Variants in ZNF723 observed in about 807,000 individuals in gnomAD.
ZNF723 encodes the protein zinc finger protein 723, also known as zinc finger protein 723, pseudogene.
ZNF723 carries 5 observed loss-of-function variants against 9.4 expected under a neutral mutation model. The observed-to-expected ratio is 0.53, with a 90% CI of 0.28 to 1.12. The LOEUF (loss-of-function observed/expected upper bound fraction) is 1.12. Ranked by LOEUF, ZNF723 falls within the 50% of genes most tolerant of loss-of-function variation. The probability of loss-of-function intolerance (pLI) is 0.10; values close to 1 mark genes in which losing one functional copy is unlikely to be tolerated. For missense variants in ZNF723, 450 were observed against 501.5 expected, an observed-to-expected ratio of 0.90 and a Z score of 0.98; for synonymous variants, 158 against 168.8, an observed-to-expected ratio of 0.94 and a Z score of 0.49.
intron 1 of ZNF723, among the ~76,000 whole-genome samples, chr19:22,833,885 C>T (rs1169634520): frequency 6.7e-6 from 1 of 149,714 alleles, no homozygotes; most frequent in Non-Finnish European, 1.5e-5. Context: ...GGATTACAGG[C>T]GTGAGACACC....
intron 1 of ZNF723, among the ~76,000 whole-genome samples, chr19:22,847,623 A>G (rs1006925173): frequency 6.6e-6 from 1 of 152,138 alleles, no homozygotes; most frequent in Non-Finnish European, 1.5e-5. Context: ...TTCCATCTCA[A>G]AAATACACAG....
chr19:22,812,948 TG>T, the ZNF723 span, among the ~76,000 whole-genome samples: 1 of 136,842 alleles, frequency 7.3e-6, no homozygotes, highest in Non-Finnish European at 1.6e-5. Flanking sequence ...ATATAGAAGG[TG>T]TTTTTTTTGT....
chr19:22,817,247 A>G, the ZNF723 span, among the ~76,000 whole-genome samples: 1 of 152,158 alleles, frequency 6.6e-6, no homozygotes, highest in South Asian at 2.1e-4. Flanking sequence ...ATTGTGAAAT[A>G]TCACTGGACC....
Position 22,848,296 on chromosome 19 carries a change from T to G in ZNF723, c.39T>G (p.Phe13Leu). 1 of 1,294,860 alleles carries G rather than the reference T, an allele frequency of 7.7e-7. No homozygotes were observed. The highest frequency in any genetic ancestry group is 1.1e-6 in the Non-Finnish European group (1 of 906,742). The allele number at this position is 1,294,860 out of a possible 1,614,324, so 80.2% of individuals were successfully genotyped here. A position where few individuals can be genotyped will look rare whatever the true frequency, so the allele number is the denominator to read the frequency against. ...PLTFTDVAIK[F>L]SLEEWQFLDT... is the part of the protein sequence containing the mutation. ...CATTCACAGATGTGGCAATAAAATT[T>G]TCTCTGGAGGAGTGGCAATTCCTGG... Residue 13 changes from phenylalanine to leucine, a missense_variant, in exon 2 of 4, where the codon TTT becomes TTG. Phe to Leu is a conservative substitution (Grantham distance 22). Transcript: ENST00000600766.
chr19:22,815,315 T>A, the ZNF723 span, among the ~76,000 whole-genome samples: 1 of 152,106 alleles, frequency 6.6e-6, no homozygotes, highest in Non-Finnish European at 1.5e-5. Flanking sequence ...TTTGCCTGCA[T>A]CCTGTCCACA....
chr19:22,817,510 G>T, the ZNF723 span, among the ~76,000 whole-genome samples: 5 of 151,816 alleles, frequency 3.3e-5, no homozygotes, highest in African/African-American at 7.2e-5. Flanking sequence ...TGTCCTGCTT[G>T]GACCTTGCCC....
chr19:22,847,291 A>G (rs911211262), intron 1 of ZNF723, among the ~76,000 whole-genome samples: 7 of 150,578 alleles, frequency 4.6e-5, no homozygotes, highest in Admixed American at 3.3e-4. Context: ...TATGCAGCTG[A>G]TGTGTGTAAA....
chr19:22,851,153 C>CTATTTATTTATT (rs145875284), intron 3 of ZNF723, among the ~76,000 whole-genome samples: 156 of 151,028 alleles, frequency 1.0e-3, no homozygotes, highest in Admixed American at 2.1e-3. Context: ...TAACAGAGAG[C>CTATTTATTTATT]TATTTATTTA....
At chr19:22,817,822 C>T in the ZNF723 span, among the ~76,000 whole-genome samples, 1 of 151,970 alleles carries the variant, frequency 6.6e-6, no homozygotes, top group East Asian at 1.9e-4. Flanking sequence ...AGGTGAGTAC[C>T]ACTGTCTCAC....
At chr19:22,827,986 A>G (rs1967055976), upstream of ZNF723, among the ~76,000 whole-genome samples, 1 of 152,100 alleles carries the variant, frequency 6.6e-6, no homozygotes, top group African/African-American at 2.4e-5. Context: ...AGGCTGAGGC[A>G]GGAGAATCAC....
intron 1 of ZNF723, among the ~76,000 whole-genome samples, chr19:22,844,015 T>A (rs768810965): frequency 1.3e-5 from 2 of 152,156 alleles, no homozygotes; most frequent in Non-Finnish European, 2.9e-5. Flanking sequence ...TTCACTCTAT[T>A]TGGGGTCTTG....
Position 22,857,252 on chromosome 19 carries a change from G to C in ZNF723, c.361G>C (p.Asp121His). ...ATTAAGAAAAGGCTGTGAAAGTGTG[G>C]ATGAGTGTAAGATGCACAAAGGAGG... ...LQLRKGCESV[D>H]ECKMHKGGYD... Residue 121 changes from aspartate (D) to histidine (H), a missense_variant, in exon 4 of 4, where the codon GAT (aspartate) becomes CAT (histidine). By Grantham distance (81) the Asp-to-His change is moderately conservative. Coordinates refer to ENST00000600766, the MANE Select transcript of ZNF723 (RefSeq NM_001349726.2). The C allele has an allele frequency of 4.8e-6, 4 of 840,620 alleles. No individual in the cohort carries two copies. The highest frequency in any genetic ancestry group is 1.4e-5 in the South Asian group (1 of 71,924). The allele number at this position is 840,620 out of a possible 1,614,324, so 52.1% of individuals were successfully genotyped here.
chr19:22,830,893 G>C (rs146695331), upstream of ZNF723, among the ~76,000 whole-genome samples: 1,167 of 152,196 alleles, frequency 7.7e-3, 15 homozygotes, highest in African/African-American at 0.027. Context: ...CTCCTGAGTA[G>C]CTGGGATTAT....
At chr19:22,840,937 T>G (rs1321921559) in intron 1 of ZNF723, 5 of 152,550 alleles carry the variant, frequency 3.3e-5, no homozygotes, top group East Asian at 3.9e-4. Context: ...TTGTCTGATG[T>G]GACACTGGAG....
At position 22,833,092 on chromosome 19, in the gene ZNF723, T is replaced by A. The variant is rs551761497; in HGVS notation, c.3+710T>A. ...ATGCATTTGAGTTAGATTTTTTTTTTAAGTAGGAATCCAGAGAGTAGATTT... is the reference window on the plus strand; with the variant it reads ...ATGCATTTGAGTTAGATTTTTTTTTAAAGTAGGAATCCAGAGAGTAGATTT... On this transcript the variant is annotated intron_variant, in intron 1 of 3. Transcript: ENST00000600766. 9.8e-5 allele frequency among the ~76,000 whole-genome samples: 15 copies of A among 152,314 alleles called. No individual in the cohort carries two copies. The East Asian group carries it at 1.4e-3, about 14-fold the overall frequency.
intron 3 of ZNF723, among the ~76,000 whole-genome samples, chr19:22,853,217 T>C (rs1363477955): frequency 6.6e-6 from 1 of 152,118 alleles, no homozygotes; most frequent in Non-Finnish European, 1.5e-5. Context: ...TTTAATTCTG[T>C]AGCTCGTAAT....
the ZNF723 span, among the ~76,000 whole-genome samples, chr19:22,823,158 A>G: frequency 0.022 from 3,365 of 152,278 alleles, 123 homozygotes; most frequent in African/African-American, 0.075. Flanking sequence ...TTATACCAGC[A>G]CATAGATCCA....
At chr19:22,852,080 C>T (rs1967405306) in intron 3 of ZNF723, among the ~76,000 whole-genome samples, 3 of 152,110 alleles carry the variant, frequency 2.0e-5, no homozygotes, top group South Asian at 4.1e-4. Flanking sequence ...TGAGCCACTG[C>T]GCCCAGCTAG....
At chr19:22,847,418 C>A (rs1054836110) in intron 1 of ZNF723, among the ~76,000 whole-genome samples, 2 of 152,022 alleles carry the variant, frequency 1.3e-5, no homozygotes, top group African/African-American at 4.8e-5. Context: ...AACACAGGTT[C>A]TTCCATATAC....
Sources: allele counts gnomAD v4.1 joint callset (sites outside exome capture counted in the v4.1 genomes callset), GRCh38; gene constraint gnomAD v4.1.1; transcripts MANE v1.5; gene names NCBI Gene and HGNC (gene_info 2026-07-23, HGNC 2026-07-21).